ALPK1: variants seen among roughly 807,000 people sequenced by gnomAD.
ALPK1 encodes the protein alpha kinase 1.
A neutral mutation model predicts 120.6 loss-of-function variants in ALPK1; 110 were observed. The observed-to-expected ratio is 0.91, with a 90% CI of 0.78 to 1.07. ALPK1 has a LOEUF of 1.07. Among genes scored for constraint, ALPK1 ranks in the 50% least tolerant of loss-of-function variants. The pLI is 0.00. For synonymous variants in ALPK1, 582 were observed against 560.3 expected, an observed-to-expected ratio of 1.04 and a Z score of -0.55; for missense variants, 1,498 against 1,483.9, an observed-to-expected ratio of 1.01 and a Z score of -0.16.
At chr4:112,438,908 C>A (rs571612692) in intron 13 of ALPK1, among the ~76,000 whole-genome samples, 1 of 152,176 alleles carries the variant, frequency 6.6e-6, no homozygotes, top group Non-Finnish European at 1.5e-5. Flanking sequence ...AGCTTACACA[C>A]CTTCAGCAAG....
rs536865863 is a variant in ALPK1, at chr4:112,357,674, G to T, written c.-100-20004G>T. ...ATCTGGGTGGGGATCATCCCCAGAG[G>T]CCCCGACGGAGCCCAGTTGAGCTCC... is the stretch of plus-strand genomic sequence containing the variant. On this transcript the variant is annotated intron_variant, in intron 2 of 15. Transcript: ENST00000650871. 1.7e-4 allele frequency: 265 copies of T among 1,601,828 alleles called. 3 individuals are homozygous for T. The South Asian group carries it at 2.6e-3, about 15-fold the overall frequency.
chr4:112,370,368 G>A (rs1731349858), intron 2 of ALPK1, among the ~76,000 whole-genome samples: 1 of 151,930 alleles, frequency 6.6e-6, no homozygotes, highest in Admixed American at 6.6e-5. Context: ...TTTATGGTCT[G>A]ATTGCTTTTC....
chr4:112,362,224 C>G (rs950131664), intron 2 of ALPK1, among the ~76,000 whole-genome samples: 1 of 152,124 alleles, frequency 6.6e-6, no homozygotes, highest in African/African-American at 2.4e-5. Context: ...AGCAATGGAT[C>G]CAAACCAAGA....
At position 112,358,703 on chromosome 4, in the gene ALPK1, A is replaced by G; in HGVS notation, c.-100-18975A>G. ...CTAAGAGGCTGGCAGAGGAGCCGCA[A>G]GGAAGGAGGAAGAAGATCCAGCTGG... is the stretch of plus-strand genomic sequence containing the variant. On this transcript the variant is annotated intron_variant, in intron 2 of 15. Coordinates refer to ENST00000650871, the MANE Select transcript of ALPK1 (RefSeq NM_025144.4). 5.3e-6 allele frequency: 4 copies of G among 757,880 alleles called. No homozygotes were observed. The Admixed American group carries it at 5.4e-5, about 10-fold the overall frequency. The allele number at this position is 757,880 out of a possible 1,614,324, so 46.9% of individuals were successfully genotyped here. A position where few individuals can be genotyped will look rare whatever the true frequency, so the allele number is the denominator to read the frequency against.
intron 6 of ALPK1, among the ~76,000 whole-genome samples, chr4:112,424,891 C>T (rs1278231192): frequency 2.6e-5 from 4 of 152,012 alleles, no homozygotes; most frequent in Admixed American, 6.5e-5. Context: ...GATGTTTGAC[C>T]GACCACTGAC....
At chr4:112,364,652 A>G (rs377069063) in intron 2 of ALPK1, among the ~76,000 whole-genome samples, 7 of 152,308 alleles carry the variant, frequency 4.6e-5, no homozygotes, top group African/African-American at 9.6e-5. Flanking sequence ...TACCAGTCCT[A>G]TTAACACTAT....
intron 7 of ALPK1, chr4:112,426,236 ATAT>A (rs1236742487): frequency 1.0e-5 from 3 of 297,608 alleles, no homozygotes; most frequent in Non-Finnish European, 1.8e-5. Context: ...TATATTACAC[ATAT>A]TATATATACA....
At chr4:112,426,327 C>G (rs771596686) in intron 7 of ALPK1, 140 bp from the exon 8 acceptor site, 13 of 520,644 alleles carry the variant, frequency 2.5e-5, no homozygotes, top group African/African-American at 2.4e-4. Context: ...CTGTGTCAAT[C>G]TAATCTAAGC....
At chr4:112,350,526 CA>C (rs1413530202) in intron 2 of ALPK1, among the ~76,000 whole-genome samples, 1 of 152,230 alleles carries the variant, frequency 6.6e-6, no homozygotes, top group East Asian at 1.9e-4. Context: ...CACTGTAGCA[CA>C]GACTAAATGG....
chr4:112,390,438 TG>T (rs1435450247), intron 4 of ALPK1, among the ~76,000 whole-genome samples: 1 of 152,230 alleles, frequency 6.6e-6, no homozygotes, highest in East Asian at 1.9e-4. Flanking sequence ...CATTTGTTTG[TG>T]GGGTTTCTTT....
chr4:112,329,640 C>A (rs1729273052), intron 2 of ALPK1, among the ~76,000 whole-genome samples: 1 of 152,026 alleles, frequency 6.6e-6, no homozygotes, highest in Non-Finnish European at 1.5e-5. Flanking sequence ...TTAAAGGCAC[C>A]CATTAGTAGA....
At position 112,441,542 on chromosome 4, in the gene ALPK1, T is replaced by C. The variant is rs1735040928; in HGVS notation, c.*332T>C. ...CACTATCTGTCAAGACTGATACTACTGGGGCTTTTCCTATTGATTTGGGAG... is the reference window on the plus strand; with the variant it reads ...CACTATCTGTCAAGACTGATACTACCGGGGCTTTTCCTATTGATTTGGGAG... On this transcript the variant is annotated 3_prime_UTR_variant, in exon 16 of 16. Coordinates refer to ENST00000650871, the MANE Select transcript of ALPK1 (RefSeq NM_025144.4). The C allele has an allele frequency of 1.0e-5, 3 of 287,722 alleles. No individual in the cohort carries two copies. The East Asian group carries it at 1.9e-4, about 18-fold the overall frequency. The allele number at this position is 287,722 out of a possible 1,614,324, so 17.8% of individuals were successfully genotyped here.
chr4:112,421,844 A>T (rs1240308646), intron 5 of ALPK1, among the ~76,000 whole-genome samples: 1 of 152,190 alleles, frequency 6.6e-6, no homozygotes, highest in Non-Finnish European at 1.5e-5. Flanking sequence ...ATGCATCCTT[A>T]CCATAGACCT....
intron 13 of ALPK1, 74 bp downstream of exon 13, chr4:112,438,720 TC>T: frequency 6.6e-7 from 1 of 1,517,556 alleles, no homozygotes; most frequent in Non-Finnish European, 9.0e-7. Flanking sequence ...AGTATCTGGT[TC>T]CACATAATCA....
chr4:112,357,264 G>A lies in ALPK1; in HGVS notation c.-100-20414G>A, dbSNP rs75071848. On this transcript the variant is annotated intron_variant, in intron 2 of 15. Coordinates refer to ENST00000650871, the MANE Select transcript of ALPK1 (RefSeq NM_025144.4). The stretch of plus-strand genomic sequence containing the variant: ...CAGATCATCCAGCATCTGGCAGGAC[G>A]TGCTGGGGTGTTCGCCAACACAGCC... 2.6e-3 allele frequency: 3,417 copies of A among 1,331,054 alleles called. 80 individuals are homozygous for A. The African/African-American group carries it at 0.043, about 17-fold the overall frequency. The allele number at this position is 1,331,054 out of a possible 1,614,324, so 82.5% of individuals were successfully genotyped here.
intron 1 of ALPK1, among the ~76,000 whole-genome samples, chr4:112,298,346 G>T (rs1727634032): frequency 1.3e-5 from 2 of 151,566 alleles, no homozygotes; most frequent in African/African-American, 2.4e-5. Context: ...CATTTAATTT[G>T]GGGTATAATT....
intron 2 of ALPK1, among the ~76,000 whole-genome samples, chr4:112,352,163 CT>C (rs1169885968): frequency 6.6e-6 from 1 of 152,098 alleles, no homozygotes; most frequent in Non-Finnish European, 1.5e-5. Flanking sequence ...TCATTTTATT[CT>C]TTTTAATATT....
intron 4 of ALPK1, 76 bp downstream of exon 4, chr4:112,382,628 A>G (rs751005773): frequency 6.2e-6 from 10 of 1,604,660 alleles, no homozygotes; most frequent in Admixed American, 1.7e-5. Context: ...CTAATAGATT[A>G]AATTTCTTTG....
In ALPK1 at chr4:112,355,074, G is replaced by T. The variant is rs577682426; in HGVS notation, c.-100-22604G>T. ...AGTATCTCCTCATGTCTTCCCATGA[G>T]GTAAATGTTACAGTTTTTTCTCTGA... On this transcript the variant is annotated intron_variant, in intron 2 of 15. Coordinates refer to ENST00000650871, the MANE Select transcript of ALPK1 (RefSeq NM_025144.4). Among the ~76,000 whole-genome samples the T allele has an allele frequency of 4.5e-4, 69 of 152,174 alleles. 1 individual carries two copies. Among genetic ancestry groups the T allele is most frequent in the African/African-American group, 1.7e-3 (69 of 41,520 alleles).
Sources: gnomAD v4.1 joint callset for allele counts (sites outside exome capture counted in the v4.1 genomes callset) on GRCh38, gnomAD v4.1.1 for gene constraint, MANE v1.5 for transcripts, NCBI Gene and HGNC (gene_info 2026-07-23, HGNC 2026-07-21) for gene names.